Variants in DPP10 observed in about 807,000 individuals in gnomAD.
DPP10 encodes dipeptidyl peptidase like 10.
In DPP10, 33 loss-of-function variants were observed where a neutral mutation model predicts 120.9. That is an observed-to-expected ratio of 0.27 (90% CI 0.21 to 0.37). The LOEUF (loss-of-function observed/expected upper bound fraction) is 0.37, where lower values mean the gene tolerates loss of function less well. Ranked by LOEUF, DPP10 falls within the 10% of genes least tolerant of loss-of-function variation. The pLI, the probability that DPP10 is intolerant of heterozygous loss-of-function variation, is 1.00. For synonymous variants in DPP10, 337 were observed against 326.1 expected, an observed-to-expected ratio of 1.03 and a Z score of -0.36; for missense variants, 816 against 942.8, an observed-to-expected ratio of 0.87 and a Z score of 1.76.
intron 4 of DPP10, among the ~76,000 whole-genome samples, chr2:115,501,809 T>G (rs2076696234): frequency 6.6e-6 from 1 of 152,110 alleles, no homozygotes; most frequent in African/African-American, 2.4e-5. Flanking sequence ...TTAATACACT[T>G]ATGTTTTTAA....
chr2:115,118,923 G>A lies in DPP10; in HGVS notation c.61-190316G>A, dbSNP rs549706570. Among the ~76,000 whole-genome samples, 7 of 152,180 alleles carry A rather than the reference G, an allele frequency of 4.6e-5. No homozygotes were observed. The South Asian group carries it at 1.4e-3, about 32-fold the overall frequency. On this transcript the variant is annotated intron_variant, in intron 1 of 25. Transcript: ENST00000410059. The stretch of plus-strand genomic sequence containing the variant: ...AGCCACCGCGTCCAGCCTAAAGCAA[G>A]TTTAAGAGCAGGAGTGAAAGTTTAT...
At chr2:114,867,741 G>A (rs1690358975) in intron 1 of DPP10, among the ~76,000 whole-genome samples, 1 of 152,208 alleles carries the variant, frequency 6.6e-6, no homozygotes, top group Non-Finnish European at 1.5e-5. Context: ...GGATCTCCTA[G>A]TAGATTTCCT....
rs1287651872 is a variant in DPP10 at position 114,867,364 on chromosome 2, A to G, written c.60+424526A>G. Among the ~76,000 whole-genome samples, 3 of 152,310 alleles carry G rather than the reference A, an allele frequency of 2.0e-5. No homozygotes were observed. The South Asian group carries it at 6.2e-4, about 32-fold the overall frequency. On this transcript the variant is annotated intron_variant, in intron 1 of 25. Transcript: ENST00000410059. ...AAATCTTCATTTTAGTTTTCAGAAGATAATGCAATCAAAACTGGACTTATT... is the reference window on the plus strand; with the variant it reads ...AAATCTTCATTTTAGTTTTCAGAAGGTAATGCAATCAAAACTGGACTTATT...
intron 1 of DPP10, among the ~76,000 whole-genome samples, chr2:114,546,173 G>A (rs77090325): frequency 6.6e-6 from 1 of 151,728 alleles, no homozygotes; most frequent in East Asian, 1.9e-4. Context: ...TAAAAAAAAA[G>A]AGTTGTAATT....
At chr2:114,515,725 C>T (rs1325302227) in intron 1 of DPP10, among the ~76,000 whole-genome samples, 1 of 152,022 alleles carries the variant, frequency 6.6e-6, no homozygotes, top group Admixed American at 6.6e-5. Context: ...CTTCCTCTCC[C>T]TTTTCCTTCT....
chr2:114,821,959 G>A (rs1686125866), intron 1 of DPP10, among the ~76,000 whole-genome samples: 1 of 152,122 alleles, frequency 6.6e-6, no homozygotes. Flanking sequence ...AATTTTCCAG[G>A]TACATGGTGC....
At chr2:115,203,638 C>A (rs1289140693) in intron 1 of DPP10, among the ~76,000 whole-genome samples, 1 of 152,028 alleles carries the variant, frequency 6.6e-6, no homozygotes, top group Non-Finnish European at 1.5e-5. Context: ...CACACATACA[C>A]CCCCACACCC....
intron 1 of DPP10, among the ~76,000 whole-genome samples, chr2:114,890,511 C>T (rs187031039): frequency 6.6e-6 from 1 of 152,108 alleles, no homozygotes; most frequent in Admixed American, 6.5e-5. Flanking sequence ...TGCATTGGAT[C>T]CACAAATGCA....
chr2:115,071,311 T>C (rs1707349740), intron 1 of DPP10, among the ~76,000 whole-genome samples: 1 of 152,184 alleles, frequency 6.6e-6, no homozygotes, highest in Admixed American at 6.5e-5. Context: ...GTGTATGGTG[T>C]TAACTCATAC....
At chr2:115,097,934 C>T (rs1017514986) in intron 1 of DPP10, among the ~76,000 whole-genome samples, 2 of 152,154 alleles carry the variant, frequency 1.3e-5, no homozygotes, top group African/African-American at 4.8e-5. Context: ...AGGAAGCTTA[C>T]TGGAAATTGC....
rs191009833 is a variant in DPP10, at chr2:115,642,824, A to G, written c.442-46863A>G. Among the ~76,000 whole-genome samples, 31 of 152,202 alleles carry G rather than the reference A, an allele frequency of 2.0e-4. No homozygotes were observed. In the East Asian group the frequency reaches 2.5e-3, roughly 12 times the overall value. The stretch of plus-strand genomic sequence containing the variant: ...ACATTTCTGATTATAGATTTAATAT[A>G]TACTATATTGTAGTTTAAACATATA... On this transcript the variant is annotated intron_variant, in intron 5 of 25. Transcript: ENST00000410059.
chr2:115,626,998 C>T (rs1252506232), intron 5 of DPP10, among the ~76,000 whole-genome samples: 1 of 152,208 alleles, frequency 6.6e-6, no homozygotes, highest in Non-Finnish European at 1.5e-5. Context: ...CAATGGCATA[C>T]TCAATGGTTA....
chr2:115,755,558 A>G (rs1240783261), intron 11 of DPP10, among the ~76,000 whole-genome samples: 1 of 152,122 alleles, frequency 6.6e-6, no homozygotes, highest in Non-Finnish European at 1.5e-5. Flanking sequence ...AAGCTATAAA[A>G]CTACTAGAAG....
At chr2:115,497,817 CATG>C (rs1265853510) in intron 3 of DPP10, among the ~76,000 whole-genome samples, 2 of 151,454 alleles carry the variant, frequency 1.3e-5, no homozygotes, top group Non-Finnish European at 2.9e-5. Flanking sequence ...GCTGTTGAGA[CATG>C]ATCATAAATA....
chr2:114,664,355 G>A (rs921883800), intron 1 of DPP10, among the ~76,000 whole-genome samples: 14 of 151,936 alleles, frequency 9.2e-5, no homozygotes, highest in Admixed American at 3.9e-4. Flanking sequence ...CTGGCCAGGC[G>A]TGGTGGCTCA....
intron 1 of DPP10, among the ~76,000 whole-genome samples, chr2:115,214,358 C>T (rs2105369893): frequency 6.6e-6 from 1 of 152,286 alleles, no homozygotes; most frequent in South Asian, 2.1e-4. Flanking sequence ...TAAGCTTACC[C>T]AAGAGTGTTA....
chr2:114,556,488 T>C (rs1465350292), intron 1 of DPP10, among the ~76,000 whole-genome samples: 1 of 151,588 alleles, frequency 6.6e-6, no homozygotes, highest in Non-Finnish European at 1.5e-5. Flanking sequence ...AAGAGGGAAT[T>C]TGGAGGACAC....
intron 3 of DPP10, among the ~76,000 whole-genome samples, chr2:115,488,893 A>AG (rs1453648678): frequency 1.3e-5 from 2 of 151,216 alleles, no homozygotes; most frequent in African/African-American, 4.8e-5. Context: ...AAAAAAAAAA[A>AG]AAAAAAATAT....
chr2:115,356,572 C>G (rs773059168), intron 3 of DPP10, among the ~76,000 whole-genome samples: 1 of 152,038 alleles, frequency 6.6e-6, no homozygotes, highest in Non-Finnish European at 1.5e-5. Context: ...TTGCCCTGGC[C>G]AGTACTTCCA....
Sources: allele counts gnomAD v4.1 joint callset (sites outside exome capture counted in the v4.1 genomes callset), GRCh38; gene constraint gnomAD v4.1.1; transcripts MANE v1.5; gene names NCBI Gene and HGNC (gene_info 2026-07-23, HGNC 2026-07-21).